Variants in SMTNL1 observed in about 807,000 individuals in gnomAD.
SMTNL1 encodes smoothelin like 1, also known as smoothelin-like protein 1.
In SMTNL1, 41 loss-of-function variants were observed where a neutral mutation model predicts 46.6. The ratio of observed to expected loss-of-function variants is 0.88; its 90% CI spans 0.69 to 1.14. The LOEUF is 1.14. Among genes scored for constraint, SMTNL1 ranks in the 50% most tolerant of loss-of-function variants. The pLI is 0.00. For missense variants in SMTNL1, 591 were observed against 626.1 expected, an observed-to-expected ratio of 0.94 and a Z score of 0.60; for synonymous variants, 234 against 234.2, an observed-to-expected ratio of 1.00 and a Z score of 0.01.
At chr11:57,544,282 A>C (rs944212341) in intron 4 of SMTNL1, among the ~76,000 whole-genome samples, 16 of 152,218 alleles carry the variant, frequency 1.1e-4, no homozygotes, top group African/African-American at 3.6e-4. Context: ...CGGGAGGCTG[A>C]GGCAGGATAA....
At position 57,548,742 on chromosome 11, in the gene SMTNL1, G is replaced by A. The variant is rs937667790; in HGVS notation, c.1341-1226G>A. On this transcript the variant is annotated intron_variant, in intron 7 of 7. Coordinates refer to ENST00000527972, the MANE Select transcript of SMTNL1 (RefSeq NM_001105565.3). ...CTCCTCCAACATAAGAACATACCCT[G>A]TCTCCCTTCCTGCCTTATTTTCCTC... Among the ~76,000 whole-genome samples, 4 of 152,172 alleles carry A rather than the reference G, an allele frequency of 2.6e-5. No homozygotes were observed. In the East Asian group the frequency reaches 7.7e-4, roughly 29 times the overall value.
intron 1 of SMTNL1, among the ~76,000 whole-genome samples, chr11:57,538,407 A>G (rs542593655): frequency 1.3e-5 from 2 of 152,346 alleles, no homozygotes; most frequent in South Asian, 2.1e-4. Flanking sequence ...TGGACACAAA[A>G]CAGGGATGGT....
intron 4 of SMTNL1, among the ~76,000 whole-genome samples, chr11:57,544,694 G>A (rs1410423115): frequency 1.3e-5 from 2 of 152,198 alleles, no homozygotes; most frequent in Non-Finnish European, 2.9e-5. Flanking sequence ...AGGCTTCAAT[G>A]AGTAACAAGT....
chr11:57,546,691 C>T (rs1275743956), intron 7 of SMTNL1, 39 bp downstream of exon 7: 1 of 1,597,222 alleles, frequency 6.3e-7, no homozygotes. Context: ...TGGATGGGAG[C>T]CTAGGCGAGG....
chr11:57,546,127 G>A (rs1300084341), intron 5 of SMTNL1, 91 bp downstream of exon 5: 1 of 1,517,776 alleles, frequency 6.6e-7, no homozygotes, highest in East Asian at 2.3e-5. Flanking sequence ...GAACAGCCCA[G>A]GCCAAGGCAG....
chr11:57,543,237 A>G lies in SMTNL1; in HGVS notation c.595A>G (p.Lys199Glu). 6.2e-7 allele frequency: 1 copy of G among 1,613,958 alleles called. No homozygotes were observed. Among genetic ancestry groups the G allele is most frequent in the Non-Finnish European group, 8.5e-7 (1 of 1,179,878 alleles). The change falls in exon 2 of 8, where the codon AAG (lysine) becomes GAG (glutamate). Residue 199 changes from lysine (K) to glutamate (E), a missense_variant. Physicochemically the swap from Lys to Glu is moderately conservative, Grantham distance 56. Transcript: ENST00000527972. Reference sequence around the variant, plus strand: ...GGAGAAGGCTACTGATGAAGAGGCCAAGGCTGAATCGCAGAAGGCTGTTGT... The same window carrying G: ...GGAGAAGGCTACTGATGAAGAGGCCGAGGCTGAATCGCAGAAGGCTGTTGT... ...PKEKATDEEAKAESQKAVVED... is the reference protein window; with the variant it reads ...PKEKATDEEAEAESQKAVVED...
At chr11:57,546,756 C>A (rs892466217) in intron 7 of SMTNL1, 104 bp downstream of exon 7, 1 of 1,358,702 alleles carries the variant, frequency 7.4e-7, no homozygotes, top group Non-Finnish European at 1.0e-6. Context: ...TGGTGCCACA[C>A]ATTCATGTAT....
At chr11:57,538,642 T>C (rs1226356150) in intron 1 of SMTNL1, among the ~76,000 whole-genome samples, 1 of 152,164 alleles carries the variant, frequency 6.6e-6, no homozygotes, top group Non-Finnish European at 1.5e-5. Flanking sequence ...ATATATTTGA[T>C]GTGAGCTCTG....
chr11:57,546,192 C>T (rs745601124), intron 5 of SMTNL1, 41 bp from the exon 6 acceptor site: 5 of 1,543,454 alleles, frequency 3.2e-6, no homozygotes. Flanking sequence ...TCATGGCCTC[C>T]TGCCTCTCTG....
rs1315663948 is a variant in SMTNL1, at chr11:57,543,090, C to A, written c.448C>A (p.Gln150Lys). ...EEKEAKPESG[Q>K]KADANDRDKP... ...GAAAGAGGCCAAACCTGAATCTGGG[C>A]AGAAAGCCGATGCCAATGACAGAGA... The change falls in exon 2 of 8, where the codon CAG becomes AAG. Residue 150 changes from glutamine to lysine, a missense_variant. Physicochemically the swap from Gln to Lys is moderately conservative, Grantham distance 53 (BLOSUM62 1). Transcript: ENST00000527972. 6.2e-7 allele frequency: 1 copy of A among 1,610,968 alleles called. No homozygotes were observed. Among genetic ancestry groups the A allele is most frequent in the African/African-American group, 1.3e-5 (1 of 74,842 alleles).
intron 1 of SMTNL1, among the ~76,000 whole-genome samples, chr11:57,542,109 A>C (rs1190924649): frequency 1.5e-4 from 9 of 60,454 alleles, no homozygotes; most frequent in East Asian, 1.0e-3. Context: ...CTCTACAAAA[A>C]AAAAACACAC....
chr11:57,543,759 G>A lies in SMTNL1; in HGVS notation c.865+3G>A, dbSNP rs180925485. 23 of 1,558,292 alleles carry A rather than the reference G, an allele frequency of 1.5e-5. No homozygotes were observed. The highest frequency in any genetic ancestry group is 1.2e-4 in the Admixed American group (6 of 51,320). ...GGAGGGGCACAACCTCAGCACAGGTGAGTGAGAGCCCAGAGCCCATGGGAT... is the reference window on the plus strand; with the variant it reads ...GGAGGGGCACAACCTCAGCACAGGTAAGTGAGAGCCCAGAGCCCATGGGAT... On this transcript the variant is annotated splice_donor_region_variant and intron_variant, in intron 3 of 7. Coordinates refer to ENST00000527972, the MANE Select transcript of SMTNL1 (RefSeq NM_001105565.3).
chr11:57,538,529 G>A (rs1944847787), intron 1 of SMTNL1, among the ~76,000 whole-genome samples: 1 of 152,246 alleles, frequency 6.6e-6, no homozygotes, highest in African/African-American at 2.4e-5. Context: ...GAAAGAGGGA[G>A]GAACTCCTCG....
chr11:57,549,018 C>CT (rs1039354089), intron 7 of SMTNL1, among the ~76,000 whole-genome samples: 129 of 146,326 alleles, frequency 8.8e-4, no homozygotes, highest in Non-Finnish European at 1.5e-3. Flanking sequence ...TGTCCTTTAT[C>CT]TTTTTTTTTT....
At position 57,543,330 on chromosome 11, in the gene SMTNL1, G is replaced by C. The variant is rs1189986217; in HGVS notation, c.688G>C (p.Glu230Gln). ...GKEEAKHGAK[E>Q]EADAKEEAED... ...AGAGGAGGCCAAACATGGTGCAAAAGAGGAGGCTGATGCAAAAGAGGAGGC... is the reference window on the plus strand; with the variant it reads ...AGAGGAGGCCAAACATGGTGCAAAACAGGAGGCTGATGCAAAAGAGGAGGC... The change falls in exon 2 of 8, where the codon GAG (glutamate) becomes CAG (glutamine). Residue 230 changes from glutamate to glutamine, a missense_variant. Glu to Gln is a conservative substitution (Grantham distance 29). Coordinates refer to ENST00000527972, the MANE Select transcript of SMTNL1 (RefSeq NM_001105565.3). The C allele has an allele frequency of 3.1e-6, 5 of 1,613,876 alleles. No homozygotes were observed. The highest frequency in any genetic ancestry group is 3.4e-6 in the Non-Finnish European group (4 of 1,179,884).
intron 7 of SMTNL1, among the ~76,000 whole-genome samples, chr11:57,546,881 C>T (rs1365089425): frequency 6.6e-6 from 1 of 152,114 alleles, no homozygotes; most frequent in Non-Finnish European, 1.5e-5. Flanking sequence ...TTGTATAATC[C>T]CAGCACTCTG....
At chr11:57,542,141 C>CAAA (rs1159084776) in intron 1 of SMTNL1, among the ~76,000 whole-genome samples, 13 of 148,810 alleles carry the variant, frequency 8.7e-5, no homozygotes, top group East Asian at 3.9e-4. Context: ...CACACACACA[C>CAAA]ACAAAAATTA....
intron 7 of SMTNL1, 49 bp from the exon 8 acceptor site, chr11:57,549,919 A>G (rs535459738): frequency 1.2e-6 from 2 of 1,605,112 alleles, no homozygotes; most frequent in East Asian, 2.2e-5. Context: ...CTTGGCTCCC[A>G]TATCCTTCAC....
Position 57,546,662 on chromosome 11 carries a change from AGCCATGGGCTG to A in SMTNL1, c.1340+13_1340+23del. ...CCTTCTCCACAGCAGAGTAAGCCAC[AGCCATGGGCTG>A]GCAGAGCTGGATGGGAGCCTAGGCG... is the stretch of plus-strand genomic sequence containing the variant. On this transcript the variant is annotated intron_variant, in intron 7 of 7. Transcript: ENST00000527972. 6.2e-7 allele frequency: 1 copy of A among 1,611,818 alleles called. No individual in the cohort carries two copies. Among genetic ancestry groups the A allele is most frequent in the Non-Finnish European group, 8.5e-7 (1 of 1,178,968 alleles).
Sources: gnomAD v4.1 joint callset for allele counts (sites outside exome capture counted in the v4.1 genomes callset) on GRCh38, gnomAD v4.1.1 for gene constraint, MANE v1.5 for transcripts, NCBI Gene and HGNC (gene_info 2026-07-23, HGNC 2026-07-21) for gene names.